GLIS3: variants seen among roughly 807,000 people sequenced by gnomAD.
The protein encoded by GLIS3 is GLIS family zinc finger 3, also known as zinc finger protein GLIS3.
In GLIS3, 53 loss-of-function variants were observed where a neutral mutation model predicts 78.6. The observed-to-expected ratio is 0.67, with a 90% CI of 0.54 to 0.85. GLIS3 has a LOEUF of 0.85. Ranked by LOEUF, GLIS3 falls within the 40% of genes least tolerant of loss-of-function variation. GLIS3 has a pLI of 0.00. For synonymous variants in GLIS3, 684 were observed against 509.9 expected, an observed-to-expected ratio of 1.34 and a Z score of -4.60; for missense variants, 1,703 against 1,231.1, an observed-to-expected ratio of 1.38 and a Z score of -5.74.
At chr9:3,867,938 G>T (rs1369393662) in intron 8 of GLIS3, among the ~76,000 whole-genome samples, 1 of 152,164 alleles carries the variant, frequency 6.6e-6, no homozygotes, top group Non-Finnish European at 1.5e-5. Flanking sequence ...GGCCCAAAGA[G>T]AAAGAATGAT....
At chr9:4,188,973 G>A (rs1320443126) in intron 2 of GLIS3, among the ~76,000 whole-genome samples, 1 of 152,012 alleles carries the variant, frequency 6.6e-6, no homozygotes. Flanking sequence ...ATTTTCTGAA[G>A]GGTTTTTTGT....
chr9:3,861,793 A>G (rs1422271561), intron 8 of GLIS3, among the ~76,000 whole-genome samples: 2 of 152,280 alleles, frequency 1.3e-5, no homozygotes, highest in East Asian at 3.9e-4. Flanking sequence ...TAGTGGGTGC[A>G]GGGGAGGGAG....
chr9:4,302,202 T>TA (rs1192918894), upstream of GLIS3, among the ~76,000 whole-genome samples: 2 of 152,164 alleles, frequency 1.3e-5, no homozygotes, highest in African/African-American at 4.8e-5. Flanking sequence ...TCCAAAATGA[T>TA]ACTCTCCCTT....
chr9:4,185,136 T>G (rs1817672638), intron 2 of GLIS3, among the ~76,000 whole-genome samples: 1 of 152,218 alleles, frequency 6.6e-6, no homozygotes, highest in Non-Finnish European at 1.5e-5. Flanking sequence ...AGGCAACAAC[T>G]TGTCAACTTT....
intron 4 of GLIS3, among the ~76,000 whole-genome samples, chr9:4,027,114 C>T (rs1201222476): frequency 6.6e-6 from 1 of 152,204 alleles, no homozygotes; most frequent in African/African-American, 2.4e-5. Flanking sequence ...ACAAACACAA[C>T]CTGACCGACT....
At chr9:3,969,189 C>G (rs151277756) in intron 4 of GLIS3, among the ~76,000 whole-genome samples, 1 of 152,074 alleles carries the variant, frequency 6.6e-6, no homozygotes, top group Non-Finnish European at 1.5e-5. Flanking sequence ...CCTCACTGTT[C>G]GAAGAAGGTA....
At chr9:3,915,072 C>T (rs1588216035) in intron 6 of GLIS3, among the ~76,000 whole-genome samples, 1 of 152,162 alleles carries the variant, frequency 6.6e-6, no homozygotes, top group East Asian at 1.9e-4. Flanking sequence ...AGCTCCTCTC[C>T]TTGGTCATCA....
chr9:4,461,687 G>A, the GLIS3 span, among the ~76,000 whole-genome samples: 5 of 152,128 alleles, frequency 3.3e-5, no homozygotes, highest in Middle Eastern at 0.01. Context: ...GTACATTTTG[G>A]GGTAAAGCCT....
chr9:4,089,963 G>A (rs1163179544), intron 4 of GLIS3, among the ~76,000 whole-genome samples: 1 of 152,228 alleles, frequency 6.6e-6, no homozygotes, highest in Admixed American at 6.5e-5. Flanking sequence ...CCCACTGTGT[G>A]CCATGCCCAC....
intron 4 of GLIS3, among the ~76,000 whole-genome samples, chr9:4,112,167 C>T (rs1484410509): frequency 6.6e-6 from 1 of 152,168 alleles, no homozygotes; most frequent in Non-Finnish European, 1.5e-5. Context: ...CACAAGACTC[C>T]TCCCAAACTT....
intron 6 of GLIS3, among the ~76,000 whole-genome samples, chr9:3,922,032 G>T (rs1012971630): frequency 6.6e-6 from 1 of 151,988 alleles, no homozygotes; most frequent in African/African-American, 2.4e-5. Context: ...TACAAATTTT[G>T]GGGAAGTCAT....
chr9:4,132,324 A>C (rs965258175), intron 2 of GLIS3, among the ~76,000 whole-genome samples: 1 of 152,228 alleles, frequency 6.6e-6, no homozygotes, highest in Non-Finnish European at 1.5e-5. Flanking sequence ...TGCATTTTCA[A>C]ATTTCTGAAC....
chr9:4,179,074 T>C (rs1410267558), intron 2 of GLIS3, among the ~76,000 whole-genome samples: 1 of 152,228 alleles, frequency 6.6e-6, no homozygotes, highest in Non-Finnish European at 1.5e-5. Context: ...GCCTGAGTTT[T>C]GGATGGTGCA....
intron 4 of GLIS3, among the ~76,000 whole-genome samples, chr9:4,113,011 T>C (rs1046057301): frequency 3.5e-5 from 5 of 144,558 alleles, no homozygotes; most frequent in African/African-American, 1.5e-4. Flanking sequence ...TAAATCTAAA[T>C]AAATATCACA....
At chr9:4,042,690 G>A (rs904413420) in intron 4 of GLIS3, among the ~76,000 whole-genome samples, 3 of 152,116 alleles carry the variant, frequency 2.0e-5, no homozygotes, top group Non-Finnish European at 2.9e-5. Context: ...CACTTCAGCT[G>A]CCACTATAAC....
chr9:4,474,887 A>T, the GLIS3 span, among the ~76,000 whole-genome samples: 9 of 151,584 alleles, frequency 5.9e-5, no homozygotes, highest in African/African-American at 1.9e-4. Flanking sequence ...GTTTTTACAG[A>T]GACGGGGGCT....
At chr9:4,374,822 C>G in the GLIS3 span, among the ~76,000 whole-genome samples, 1 of 152,248 alleles carries the variant, frequency 6.6e-6, no homozygotes, top group Non-Finnish European at 1.5e-5. Context: ...ATTTATTGCA[C>G]GCATCTGCCA....
the GLIS3 span, among the ~76,000 whole-genome samples, chr9:4,384,648 T>C: frequency 6.6e-6 from 1 of 151,918 alleles, no homozygotes; most frequent in African/African-American, 2.4e-5. Flanking sequence ...CCCACTGCCT[T>C]ATCCCTAACC....
rs115710341 is a variant in GLIS3 at position 3,831,827 on chromosome 9, G to T, written c.2474-2335C>A. ...TAATAAGCTTTTAACAACATGGAAA[G>T]ACCATTATAAGGTTCATGTTTCAAA... On this transcript the variant is annotated intron_variant, in intron 9 of 10. Coordinates refer to ENST00000381971, the MANE Select transcript of GLIS3 (RefSeq NM_001042413.2). Among the ~76,000 whole-genome samples, 1,186 of 152,260 alleles carry T rather than the reference G, an allele frequency of 7.8e-3. 17 individuals carry two copies. The highest frequency in any genetic ancestry group is 0.027 in the African/African-American group (1,109 of 41,550).
Sources: gnomAD v4.1 joint callset for allele counts (sites outside exome capture counted in the v4.1 genomes callset) on GRCh38, gnomAD v4.1.1 for gene constraint, MANE v1.5 for transcripts, NCBI Gene and HGNC (gene_info 2026-07-23, HGNC 2026-07-21) for gene names.